GLIS3: variants seen among roughly 807,000 people sequenced by gnomAD.
GLIS3 encodes GLIS family zinc finger 3.
Under a neutral mutation model 78.6 loss-of-function variants are expected in GLIS3, and 53 were observed. The ratio of observed to expected loss-of-function variants is 0.67; its 90% CI spans 0.54 to 0.85. GLIS3 has a LOEUF of 0.85. GLIS3 is among the 40% of genes least tolerant of loss of function. The pLI is 0.00. For synonymous variants in GLIS3, 684 were observed against 509.9 expected (o/e 1.34, Z -4.60); for missense variants, 1,703 against 1,231.1 (o/e 1.38, Z -5.74).
At chr9:4,192,744 T>G (rs1050790959) in intron 2 of GLIS3, among the ~76,000 whole-genome samples, 1 of 151,618 alleles carries the variant, frequency 6.6e-6, no homozygotes, top group African/African-American at 2.4e-5. Context: ...GACATGGTTG[T>G]TCCGTGTCTC....
chr9:3,892,458 T>C (rs564114466), intron 7 of GLIS3, among the ~76,000 whole-genome samples: 1 of 152,290 alleles, frequency 6.6e-6, no homozygotes, highest in East Asian at 1.9e-4. Context: ...ACAGTGCTGA[T>C]AGCTGCGTGG....
At chr9:4,259,378 C>G (rs948459216) in intron 2 of GLIS3, among the ~76,000 whole-genome samples, 13 of 152,124 alleles carry the variant, frequency 8.5e-5, no homozygotes, top group African/African-American at 2.9e-4. Context: ...GGATTGAAAA[C>G]AGATCCTCCC....
chr9:4,163,973 C>G (rs536531395), intron 2 of GLIS3, among the ~76,000 whole-genome samples: 1 of 152,332 alleles, frequency 6.6e-6, no homozygotes, highest in East Asian at 1.9e-4. Context: ...TACCATGGTA[C>G]AGTGATTTCC....
chr9:4,114,845 G>A (rs966676166), intron 4 of GLIS3, among the ~76,000 whole-genome samples: 2 of 152,078 alleles, frequency 1.3e-5, no homozygotes, highest in Non-Finnish European at 2.9e-5. Context: ...AGTTGTCGGG[G>A]TAAAAGGAAA....
chr9:3,969,149 T>C (rs997956313), intron 4 of GLIS3, among the ~76,000 whole-genome samples: 2 of 152,194 alleles, frequency 1.3e-5, no homozygotes, highest in African/African-American at 4.8e-5. Flanking sequence ...TGTGATGAAA[T>C]GCATATGACC....
chr9:4,202,282 C>T (rs778980469), intron 2 of GLIS3, among the ~76,000 whole-genome samples: 61 of 150,766 alleles, frequency 4.0e-4, no homozygotes, highest in South Asian at 1.1e-3. Context: ...TCCCGAGTAG[C>T]TGGGACTACA....
chr9:4,308,609 A>G (rs1817287142), intron 4 of GLIS3, among the ~76,000 whole-genome samples: 2 of 152,096 alleles, frequency 1.3e-5, no homozygotes, highest in South Asian at 4.2e-4. Context: ...GGTTCTCCTT[A>G]GAATACCCAG....
chr9:4,154,837 C>G (rs1209138396), intron 2 of GLIS3, among the ~76,000 whole-genome samples: 1 of 152,126 alleles, frequency 6.6e-6, no homozygotes, highest in African/African-American at 2.4e-5. Context: ...TTTAGACCAT[C>G]ATTTTTAAAG....
chr9:3,932,305 A>T, intron 6 of GLIS3, 55 bp downstream of exon 6: 1 of 1,374,210 alleles, frequency 7.3e-7, no homozygotes, highest in Non-Finnish European at 1.0e-6. Flanking sequence ...TTCGTGTACT[A>T]CAAGAATAAT....
chr9:4,160,533 G>C (rs1835393063), intron 2 of GLIS3, among the ~76,000 whole-genome samples: 1 of 152,240 alleles, frequency 6.6e-6, no homozygotes, highest in African/African-American at 2.4e-5. Context: ...CTTACTGCCT[G>C]ATGACAGAAT....
chr9:4,469,237 A>G, the GLIS3 span, among the ~76,000 whole-genome samples: 1 of 152,252 alleles, frequency 6.6e-6, no homozygotes, highest in African/African-American at 2.4e-5. Flanking sequence ...TGAGACAGAA[A>G]GTTAACAAGG....
Position 4,056,898 on chromosome 9 carries a change from C to CTTT in GLIS3, c.1710+60867_1710+60869dup, listed in dbSNP as rs34752011. 5.2e-4 allele frequency among the ~76,000 whole-genome samples: 51 copies of CTTT among 98,022 alleles called. 1 individual carries two copies. The highest frequency in any genetic ancestry group is 2.2e-3 in the East Asian group (7 of 3,244). The allele number at this position is 98,022 out of a possible 152,430, so 64.3% of individuals were successfully genotyped here. A position where few individuals can be genotyped will look rare whatever the true frequency, so the allele number is the denominator to read the frequency against. ...GAAAAAGCTGCTCCTCTTCAAGACACTTTTTTTTTTTTTTTTTTTTTTGCC... is the reference window on the plus strand; with the variant it reads ...GAAAAAGCTGCTCCTCTTCAAGACACTTTTTTTTTTTTTTTTTTTTTTTTTGCC... On this transcript the variant is annotated intron_variant, in intron 4 of 10. Coordinates refer to ENST00000381971, the MANE Select transcript of GLIS3 (RefSeq NM_001042413.2).
At chr9:4,451,434 G>C in the GLIS3 span, among the ~76,000 whole-genome samples, 1 of 152,168 alleles carries the variant, frequency 6.6e-6, no homozygotes, top group Non-Finnish European at 1.5e-5. Context: ...ATATTAGACA[G>C]ATCAACAAGA....
At chr9:4,203,442 A>C (rs2093322) in intron 2 of GLIS3, among the ~76,000 whole-genome samples, 124,369 of 152,240 alleles carry the variant, frequency 0.82, 52,916 homozygotes, top group East Asian at 1. Context: ...AACTTAGAAC[A>C]CACATTTACC....
intron 2 of GLIS3, among the ~76,000 whole-genome samples, chr9:4,232,159 C>G (rs1229793313): frequency 6.6e-6 from 1 of 152,052 alleles, no homozygotes; most frequent in African/African-American, 2.4e-5. Flanking sequence ...GGGAGGACTG[C>G]TTGAGGCCAG....
intron 2 of GLIS3, among the ~76,000 whole-genome samples, chr9:4,127,115 T>A (rs1303050632): frequency 6.6e-6 from 1 of 152,168 alleles, no homozygotes; most frequent in Non-Finnish European, 1.5e-5. Context: ...TTTCCATCAG[T>A]GCAGCCCTAT....
chr9:3,975,046 G>A (rs1428788554), intron 4 of GLIS3: 2 of 152,066 alleles, frequency 1.3e-5, no homozygotes, highest in Non-Finnish European at 2.9e-5. Flanking sequence ...AGCTGGAATG[G>A]GAAAAGATTA....
the GLIS3 span, among the ~76,000 whole-genome samples, chr9:4,403,713 C>G: frequency 0.028 from 4,236 of 151,658 alleles, 199 homozygotes; most frequent in African/African-American, 0.097. Flanking sequence ...AAAACAAAAA[C>G]ATAACAAATA....
the GLIS3 span, among the ~76,000 whole-genome samples, chr9:4,453,834 A>G: frequency 6.7e-6 from 1 of 149,308 alleles, no homozygotes; most frequent in African/African-American, 2.4e-5. Flanking sequence ...AACATCACAC[A>G]CGGGGGCTTG....
Sources: gnomAD v4.1 joint callset for allele counts (sites outside exome capture counted in the v4.1 genomes callset) on GRCh38, gnomAD v4.1.1 for gene constraint, MANE v1.5 for transcripts, NCBI Gene and HGNC (gene_info 2026-07-23, HGNC 2026-07-21) for gene names.